Variants in CSMD1 observed in about 807,000 individuals in gnomAD.
CSMD1 encodes the protein CUB and Sushi multiple domains 1, also known as CUB and sushi domain-containing protein 1.
In CSMD1, 213 loss-of-function variants were observed where a neutral mutation model predicts 417.5. The observed-to-expected ratio is 0.51, with a 90% CI of 0.46 to 0.57. CSMD1 has a LOEUF of 0.57. Ranked by LOEUF, CSMD1 falls within the 20% of genes least tolerant of loss-of-function variation. The probability of loss-of-function intolerance (pLI) is 0.00; values close to 1 mark genes in which losing one functional copy is unlikely to be tolerated. For missense variants in CSMD1, 6,923 were observed against 4,529.7 expected (o/e 1.53, Z -15.17); for synonymous variants, 2,862 against 1,736.8 (o/e 1.65, Z -16.11).
chr8:3,531,938 G>C (rs921636390), intron 10 of CSMD1, among the ~76,000 whole-genome samples: 1 of 152,156 alleles, frequency 6.6e-6, no homozygotes, highest in Non-Finnish European at 1.5e-5. Context: ...CAGTAGCTTA[G>C]GCTGAGGACC....
At chr8:3,006,180 A>T (rs1438811999) in intron 52 of CSMD1, among the ~76,000 whole-genome samples, 2 of 151,648 alleles carry the variant, frequency 1.3e-5, no homozygotes, top group East Asian at 3.9e-4. Context: ...CAATTGCTTC[A>T]AAGAGAATAA....
intron 3 of CSMD1, among the ~76,000 whole-genome samples, chr8:4,135,276 T>TA (rs2130994473): frequency 6.8e-6 from 1 of 147,492 alleles, no homozygotes; most frequent in East Asian, 2.0e-4. Flanking sequence ...TAACAACCAT[T>TA]AGAAGGAGGG....
intron 8 of CSMD1, among the ~76,000 whole-genome samples, chr8:3,600,385 A>G (rs554742954): frequency 6.6e-6 from 1 of 152,042 alleles, no homozygotes. Context: ...CTAACTAGCT[A>G]CTCTATTTCC....
chr8:3,688,918 TA>T (rs1182177355), intron 7 of CSMD1, among the ~76,000 whole-genome samples: 1 of 152,042 alleles, frequency 6.6e-6, no homozygotes, highest in South Asian at 2.1e-4. Flanking sequence ...CTTAAAAAGT[TA>T]AAAAAAGTGA....
chr8:4,772,916 C>A (rs1796669629), intron 1 of CSMD1, among the ~76,000 whole-genome samples: 1 of 152,092 alleles, frequency 6.6e-6, no homozygotes, highest in Non-Finnish European at 1.5e-5. Context: ...AATTGGGTTT[C>A]TTACAATACT....
In CSMD1 at chr8:4,392,632, T is replaced by A. The variant is rs1025840340; in HGVS notation, c.415+27321A>T. 2.8e-4 allele frequency among the ~76,000 whole-genome samples: 42 copies of A among 151,598 alleles called. 1 individual carries two copies. The highest frequency in any genetic ancestry group is 8.5e-4 in the African/African-American group (35 of 41,300). ...TAGGATATGAGAAAAGAGCAGGGGT[T>A]TTTTGGGGGGGAGGGTTATTATTAT... On this transcript the variant is annotated intron_variant, in intron 3 of 69. Coordinates refer to ENST00000635120, the MANE Select transcript of CSMD1 (RefSeq NM_033225.6).
chr8:3,795,110 C>CTATA (rs1799977820), intron 5 of CSMD1, among the ~76,000 whole-genome samples: 3 of 62,286 alleles, frequency 4.8e-5, no homozygotes, highest in Admixed American at 1.9e-4. Flanking sequence ...TCATGTACAG[C>CTATA]TATAGATATC....
At chr8:3,861,702 GT>G (rs1804721449) in intron 5 of CSMD1, among the ~76,000 whole-genome samples, 4 of 152,234 alleles carry the variant, frequency 2.6e-5, no homozygotes, top group South Asian at 4.1e-4. Flanking sequence ...GTTTGGTTTG[GT>G]TTTTATTCGT....
At chr8:4,001,722 G>C (rs908526892) in intron 4 of CSMD1, among the ~76,000 whole-genome samples, 12 of 152,160 alleles carry the variant, frequency 7.9e-5, no homozygotes, top group African/African-American at 2.4e-4. Context: ...ATAGTTCACT[G>C]GGCCAGCATG....
In CSMD1 at chr8:3,110,317, A is replaced by G. The variant is rs374648403; in HGVS notation, c.6449T>C (p.Val2150Ala). Reference protein sequence around the residue: ...PRCDAPCGYNVTSQNGTIYSP... With the variant: ...PRCDAPCGYNATSQNGTIYSP... ...GTAGATGGTGCCGTTCTGAGAAGTT[A>G]CGTTGTACCCACAAGGGGCTGCAAA... The change falls in exon 43 of 70, where the codon GTA (valine) becomes GCA (alanine). Residue 2150 changes from valine to alanine, a missense_variant. Val to Ala is a moderately conservative substitution (Grantham distance 64). Coordinates refer to ENST00000635120, the MANE Select transcript of CSMD1 (RefSeq NM_033225.6). The G allele has an allele frequency of 6.2e-7, 1 of 1,611,404 alleles. No homozygotes were observed.
At chr8:3,796,340 ATATAT>A (rs1800129026) in intron 5 of CSMD1, among the ~76,000 whole-genome samples, 16 of 97,852 alleles carry the variant, frequency 1.6e-4, no homozygotes, top group Admixed American at 3.3e-4. Flanking sequence ...AGATATAGAT[ATATAT>A]CTATCATGTA....
At chr8:4,666,950 T>C (rs1169510896) in intron 1 of CSMD1, among the ~76,000 whole-genome samples, 1 of 152,202 alleles carries the variant, frequency 6.6e-6, no homozygotes, top group Admixed American at 6.5e-5. Context: ...GTGAAGCATT[T>C]ATAAAATTTT....
chr8:4,324,714 G>A (rs1037227398), intron 3 of CSMD1, among the ~76,000 whole-genome samples: 2 of 152,202 alleles, frequency 1.3e-5, no homozygotes, highest in Admixed American at 6.5e-5. Context: ...TTTTCCATAA[G>A]GTGTTGTTAT....
At chr8:4,024,824 G>C (rs889947912) in intron 4 of CSMD1, among the ~76,000 whole-genome samples, 3 of 152,166 alleles carry the variant, frequency 2.0e-5, no homozygotes, top group Non-Finnish European at 2.9e-5. Flanking sequence ...TATGACTTCA[G>C]GGATCTAAGC....
intron 18 of CSMD1, among the ~76,000 whole-genome samples, chr8:3,384,792 A>C (rs1355955878): frequency 1.6e-5 from 2 of 124,616 alleles, no homozygotes; most frequent in Admixed American, 9.4e-5. Flanking sequence ...ATATATATTA[A>C]TATATGCTAT....
intron 10 of CSMD1, among the ~76,000 whole-genome samples, chr8:3,548,721 CATTG>C (rs1798783697): frequency 6.7e-6 from 1 of 149,060 alleles, no homozygotes; most frequent in Admixed American, 6.7e-5. Flanking sequence ...TTTTTCCACT[CATTG>C]ATTGATAGGA....
chr8:4,450,798 C>A (rs750052328), intron 2 of CSMD1, among the ~76,000 whole-genome samples: 35 of 152,212 alleles, frequency 2.3e-4, no homozygotes, highest in Admixed American at 3.9e-4. Flanking sequence ...ATTTTGCTTT[C>A]ATTTACGAGA....
At chr8:3,854,986 C>G (rs1014487517) in intron 5 of CSMD1, among the ~76,000 whole-genome samples, 1 of 152,018 alleles carries the variant, frequency 6.6e-6, no homozygotes, top group Non-Finnish European at 1.5e-5. Context: ...AATGTCCAGG[C>G]CCAGTAATCC....
intron 2 of CSMD1, among the ~76,000 whole-genome samples, chr8:4,631,518 C>G (rs1802515348): frequency 6.6e-6 from 1 of 151,758 alleles, no homozygotes; most frequent in South Asian, 2.1e-4. Context: ...TAATATGATC[C>G]TAATGTAATT....
Sources: gnomAD v4.1 joint callset for allele counts (sites outside exome capture counted in the v4.1 genomes callset) on GRCh38, gnomAD v4.1.1 for gene constraint, MANE v1.5 for transcripts, NCBI Gene and HGNC (gene_info 2026-07-23, HGNC 2026-07-21) for gene names.